Variants in NEK11 observed in about 807,000 individuals in gnomAD.
NEK11 encodes NIMA related kinase 11, also known as serine/threonine-protein kinase Nek11.
A neutral mutation model predicts 80.7 loss-of-function variants in NEK11; 72 were observed. The ratio of observed to expected loss-of-function variants is 0.89; its 90% CI spans 0.74 to 1.08. The LOEUF (loss-of-function observed/expected upper bound fraction) is 1.08. NEK11 is among the 50% of genes least tolerant of loss of function. NEK11 has a pLI of 0.00. For missense variants in NEK11, 764 were observed against 763.6 expected, an observed-to-expected ratio of 1.00 and a Z score of -0.01; for synonymous variants, 251 against 260.7, an observed-to-expected ratio of 0.96 and a Z score of 0.36.
At chr3:131,072,400 T>C (rs1301453200) in intron 3 of NEK11, 1 of 152,284 alleles carries the variant, frequency 6.6e-6, no homozygotes, top group African/African-American at 2.4e-5. Flanking sequence ...AGACCAATTA[T>C]GATTCACCAC....
At chr3:131,330,579 C>T (rs2097059674) in intron 17 of NEK11, 1 of 152,162 alleles carries the variant, frequency 6.6e-6, no homozygotes, top group Admixed American at 6.5e-5. Flanking sequence ...TGTTAAGTTT[C>T]TTGGAGTCTT....
intron 17 of NEK11, among the ~76,000 whole-genome samples, chr3:131,306,549 C>T (rs1268270489): frequency 6.6e-6 from 1 of 152,152 alleles, no homozygotes; most frequent in Non-Finnish European, 1.5e-5. Flanking sequence ...TTTTCTTCTT[C>T]CACATGGAAG....
chr3:131,179,346 A>G (rs921935382), intron 14 of NEK11, among the ~76,000 whole-genome samples: 6 of 152,218 alleles, frequency 3.9e-5, no homozygotes, highest in African/African-American at 9.7e-5. Context: ...TAAGAAAAGG[A>G]CAGAACTTGT....
chr3:131,128,180 C>A (rs1414390723), intron 5 of NEK11, among the ~76,000 whole-genome samples: 1 of 152,064 alleles, frequency 6.6e-6, no homozygotes, highest in African/African-American at 2.4e-5. Flanking sequence ...TCATCAAAGT[C>A]TATAGTTTAC....
At position 131,170,857 on chromosome 3, in the gene NEK11, G is replaced by A; in HGVS notation, c.1369G>A (p.Glu457Lys). 6.2e-7 allele frequency: 1 copy of A among 1,613,664 alleles called. No homozygotes were observed. ...CCTCCACGAACTTGAATCAATTGTA[G>A]AGGATGCCACATCTGACCTTGGATA... is the stretch of plus-strand genomic sequence containing the variant. Reference protein sequence around the residue: ...MDLHELESIVEDATSDLGYHE... With the variant: ...MDLHELESIVKDATSDLGYHE... Residue 457 changes from glutamate to lysine, a missense_variant, in exon 14 of 18, where the codon GAG becomes AAG. Transcript: ENST00000383366.
At chr3:131,241,674 A>G (rs1475157974) in intron 15 of NEK11, among the ~76,000 whole-genome samples, 1 of 152,120 alleles carries the variant, frequency 6.6e-6, no homozygotes, top group African/African-American at 2.4e-5. Flanking sequence ...ACAATATTGT[A>G]CAACAGTACA....
At chr3:131,209,263 T>G (rs2094537138) in intron 14 of NEK11, among the ~76,000 whole-genome samples, 1 of 152,182 alleles carries the variant, frequency 6.6e-6, no homozygotes, top group Admixed American at 6.5e-5. Flanking sequence ...GTTCTGTTTA[T>G]ATGATGGATT....
At position 131,279,245 on chromosome 3, in the gene NEK11, G is replaced by A. The variant is rs1002339431; in HGVS notation, c.1718+5671G>A. Reference sequence around the variant, plus strand: ...CACGTCTGTAATCCCAGCTACTAGGGAAGGTGAGACAGGAGAATCGCTTGA... The same window carrying A: ...CACGTCTGTAATCCCAGCTACTAGGAAAGGTGAGACAGGAGAATCGCTTGA... On this transcript the variant is annotated intron_variant, in intron 17 of 17. Transcript: ENST00000383366. Among the ~76,000 whole-genome samples, 122 of 152,156 alleles carry A rather than the reference G, an allele frequency of 8.0e-4. 2 individuals are homozygous for A. The highest frequency in any genetic ancestry group is 4.0e-3 in the Admixed American group (61 of 15,280).
At chr3:131,032,024 C>T (rs58885856) in intron 3 of NEK11, among the ~76,000 whole-genome samples, 65,358 of 150,966 alleles carry the variant, frequency 0.43, 16,519 homozygotes, top group Middle Eastern at 0.66. Flanking sequence ...TGCAGTGGCA[C>T]GATCTTGGCT....
At chr3:131,265,278 T>C (rs146651562) in intron 16 of NEK11, among the ~76,000 whole-genome samples, 2,783 of 152,294 alleles carry the variant, frequency 0.018, 42 homozygotes, top group East Asian at 0.083. Context: ...AGAGAGGTCA[T>C]TCTTGTCTTG....
At chr3:131,081,550 G>C (rs2075280356) in intron 4 of NEK11, among the ~76,000 whole-genome samples, 1 of 152,170 alleles carries the variant, frequency 6.6e-6, no homozygotes, top group African/African-American at 2.4e-5. Context: ...ACATTATGGA[G>C]AGAGGATTGA....
intron 5 of NEK11, among the ~76,000 whole-genome samples, chr3:131,120,801 G>T (rs1178758648): frequency 6.6e-6 from 1 of 152,154 alleles, no homozygotes; most frequent in Non-Finnish European, 1.5e-5. Flanking sequence ...GCGTCACATA[G>T]TTCTCGTGCC....
Position 131,028,365 on chromosome 3 carries a change from T to C in NEK11, c.-97+363T>C, listed in dbSNP as rs115877142. ...AAAAACTAGGTTTTTGTCTCATAGC[T>C]TTGGAATTGTTGAATATGAAAACCT... On this transcript the variant is annotated intron_variant, in intron 2 of 17. Coordinates refer to ENST00000383366, the MANE Select transcript of NEK11 (RefSeq NM_024800.5). Among the ~76,000 whole-genome samples the C allele has an allele frequency of 4.8e-3, 732 of 152,300 alleles. 5 individuals carry two copies. Among genetic ancestry groups the C allele is most frequent in the African/African-American group, 0.016 (666 of 41,554 alleles).
At chr3:131,343,829 C>A (rs979932377) in intron 17 of NEK11, among the ~76,000 whole-genome samples, 3 of 152,212 alleles carry the variant, frequency 2.0e-5, no homozygotes, top group African/African-American at 4.8e-5. Flanking sequence ...GGTCCCTGAG[C>A]CTGGCTCCTG....
chr3:131,344,283 G>C (rs72993140), intron 17 of NEK11, among the ~76,000 whole-genome samples: 18,168 of 152,130 alleles, frequency 0.12, 1,544 homozygotes, highest in East Asian at 0.3. Context: ...AAGCTCTTTG[G>C]TAAGGCATAA....
intron 17 of NEK11, among the ~76,000 whole-genome samples, chr3:131,292,341 T>C (rs913241345): frequency 2.2e-4 from 33 of 152,336 alleles, no homozygotes; most frequent in African/African-American, 7.2e-4. Flanking sequence ...TAACTCTTGA[T>C]GTCAGATATT....
rs554778367 is a variant in NEK11 at position 131,265,103 on chromosome 3, G to A, written c.1622-8375G>A. Among the ~76,000 whole-genome samples the A allele has an allele frequency of 1.1e-3, 163 of 152,300 alleles. 1 individual carries two copies. Among genetic ancestry groups the A allele is most frequent in the Middle Eastern group, 3.4e-3 (1 of 294 alleles). ...TTGCTGAAGTTGCTTATCAGCTGAAGTAGTTTTTGGGCTGAGACGAGGGGG... is the reference window on the plus strand; with the variant it reads ...TTGCTGAAGTTGCTTATCAGCTGAAATAGTTTTTGGGCTGAGACGAGGGGG... On this transcript the variant is annotated intron_variant, in intron 16 of 17. Coordinates refer to ENST00000383366, the MANE Select transcript of NEK11 (RefSeq NM_024800.5).
chr3:131,221,669 T>TA (rs1205893181), intron 14 of NEK11, among the ~76,000 whole-genome samples: 4 of 152,154 alleles, frequency 2.6e-5, no homozygotes, highest in East Asian at 1.9e-4. Flanking sequence ...CACTCTTTTT[T>TA]AAAAAAATTG....
rs2068314710 is a variant in NEK11, at chr3:131,051,064, ACTT to A, written c.170+21190_170+21192del. 7.9e-5 allele frequency among the ~76,000 whole-genome samples: 12 copies of A among 152,364 alleles called. No individual in the cohort carries two copies. The South Asian group carries it at 2.5e-3, about 32-fold the overall frequency. ...AAATTAGTATAACCAAATGAAGCCT[ACTT>A]CTTTAAAATTTGGGAAATGTAGTGG... On this transcript the variant is annotated intron_variant, in intron 3 of 17. Transcript: ENST00000383366.
Sources: allele counts gnomAD v4.1 joint callset (sites outside exome capture counted in the v4.1 genomes callset), GRCh38; gene constraint gnomAD v4.1.1; transcripts MANE v1.5; gene names NCBI Gene and HGNC (gene_info 2026-07-23, HGNC 2026-07-21).